SKAP2: variants seen among roughly 807,000 people sequenced by gnomAD.
SKAP2 encodes src kinase-associated phosphoprotein 2.
A neutral mutation model predicts 54.9 loss-of-function variants in SKAP2; 28 were observed. The ratio of observed to expected loss-of-function variants is 0.51; its 90% CI spans 0.38 to 0.70. The LOEUF (loss-of-function observed/expected upper bound fraction) is 0.70. Ranked by LOEUF, SKAP2 falls within the 30% of genes least tolerant of loss-of-function variation. The pLI, the probability that SKAP2 is intolerant of heterozygous loss-of-function variation, is 0.00. For missense variants in SKAP2, 356 were observed against 424.1 expected (o/e 0.84, Z 1.41); for synonymous variants, 137 against 134.3 (o/e 1.02, Z -0.14).
intron 4 of SKAP2, among the ~76,000 whole-genome samples, chr7:26,823,031 G>A (rs1396982565): frequency 6.6e-6 from 1 of 152,178 alleles, no homozygotes; most frequent in African/African-American, 2.4e-5. Context: ...TAGGCCAAAA[G>A]GAAGGCCTCT....
Position 26,738,919 on chromosome 7 carries a change from G to A in SKAP2, c.386-41C>T, listed in dbSNP as rs535879516. 7.7e-6 allele frequency: 9 copies of A among 1,166,874 alleles called. No individual in the cohort carries two copies. The East Asian group carries it at 1.6e-4, about 21-fold the overall frequency. 72.3% of individuals were successfully genotyped at this position (1,166,874 alleles called of 1,614,324 possible). A position where few individuals can be genotyped will look rare whatever the true frequency, so the allele number is the denominator to read the frequency against. ...GAAAATGTAAGGCCATTTCCTTACTGTAAAAGAAAAAGTTAATTAATATGA... is the reference window on the plus strand; with the variant it reads ...GAAAATGTAAGGCCATTTCCTTACTATAAAAGAAAAAGTTAATTAATATGA... On this transcript the variant is annotated intron_variant, in intron 5 of 12. Transcript: ENST00000345317.
intron 1 of SKAP2, among the ~76,000 whole-genome samples, chr7:26,858,492 C>T (rs888378257): frequency 8.5e-5 from 13 of 152,112 alleles, no homozygotes; most frequent in African/African-American, 7.2e-5. Flanking sequence ...TAAAAGTTGA[C>T]GTATACTGGC....
chr7:26,669,709 A>G (rs999739224), intron 12 of SKAP2, 53 bp from the exon 13 acceptor site: 6 of 152,502 alleles, frequency 3.9e-5, no homozygotes, highest in African/African-American at 1.4e-4. Context: ...CTGAAACTTG[A>G]TTTTTCCTGC....
chr7:26,747,091 C>A (rs1401742461), intron 4 of SKAP2, among the ~76,000 whole-genome samples: 1 of 152,040 alleles, frequency 6.6e-6, no homozygotes. Flanking sequence ...TCAACAGGCA[C>A]CTCAAACAAT....
intron 4 of SKAP2, among the ~76,000 whole-genome samples, chr7:26,837,570 T>C (rs12534899): frequency 0.21 from 32,327 of 151,958 alleles, 3,525 homozygotes; most frequent in Non-Finnish European, 0.24. Flanking sequence ...GTCACGAAGA[T>C]AGCACGAGGC....
intron 11 of SKAP2, among the ~76,000 whole-genome samples, chr7:26,682,778 C>T (rs1008133217): frequency 2.0e-5 from 3 of 152,176 alleles, no homozygotes; most frequent in African/African-American, 4.8e-5. Context: ...TCTAATCAGG[C>T]TTCACAAATA....
At chr7:26,859,041 G>A (rs1308960742) in intron 1 of SKAP2, among the ~76,000 whole-genome samples, 1 of 152,080 alleles carries the variant, frequency 6.6e-6, no homozygotes, top group Non-Finnish European at 1.5e-5. Flanking sequence ...TATGGGGGAG[G>A]GGGAGGGCGC....
At chr7:26,714,584 G>T (rs1787391065) in intron 9 of SKAP2, among the ~76,000 whole-genome samples, 1 of 152,142 alleles carries the variant, frequency 6.6e-6, no homozygotes, top group Non-Finnish European at 1.5e-5. Context: ...ATTTATCACT[G>T]ACATTTTGTT....
At chr7:26,746,720 CTCCTAAT>C (rs1220654154) in intron 4 of SKAP2, 3 of 151,442 alleles carry the variant, frequency 2.0e-5, no homozygotes, top group Non-Finnish European at 4.4e-5. Context: ...CTCCAAAGCC[CTCCTAAT>C]TCCAGGACTT....
At chr7:26,839,986 C>T (rs1784787723) in intron 4 of SKAP2, among the ~76,000 whole-genome samples, 1 of 151,498 alleles carries the variant, frequency 6.6e-6, no homozygotes. Flanking sequence ...GAAAAGTATA[C>T]CAAAAAAAAT....
intron 4 of SKAP2, among the ~76,000 whole-genome samples, chr7:26,817,092 G>A (rs939842407): frequency 6.6e-6 from 1 of 152,018 alleles, no homozygotes; most frequent in South Asian, 2.1e-4. Context: ...CATTTTAAAT[G>A]GACATCAGCA....
At chr7:26,783,512 A>G (rs144883743) in intron 4 of SKAP2, among the ~76,000 whole-genome samples, 21 of 152,124 alleles carry the variant, frequency 1.4e-4, no homozygotes, top group African/African-American at 5.1e-4. Flanking sequence ...ACCCTTTCTT[A>G]TTTAACTCAT....
the SKAP2 span, among the ~76,000 whole-genome samples, chr7:26,656,274 C>T: frequency 6.6e-6 from 1 of 152,186 alleles, no homozygotes; most frequent in Non-Finnish European, 1.5e-5. Context: ...CCCACCAGGA[C>T]AAAAACACAA....
intron 4 of SKAP2, among the ~76,000 whole-genome samples, chr7:26,841,708 T>C (rs1424822224): frequency 6.6e-6 from 1 of 151,944 alleles, no homozygotes; most frequent in Non-Finnish European, 1.5e-5. Flanking sequence ...AAGACAGACT[T>C]AGAATGCACA....
At chr7:26,847,907 A>G (rs910180023) in intron 3 of SKAP2, 9 of 152,216 alleles carry the variant, frequency 5.9e-5, no homozygotes, top group Non-Finnish European at 1.5e-5. Flanking sequence ...TTGTTTCCCT[A>G]GAAAAGCATT....
At chr7:26,742,640 T>G (rs951125807) in intron 4 of SKAP2, among the ~76,000 whole-genome samples, 1 of 147,156 alleles carries the variant, frequency 6.8e-6, no homozygotes, top group East Asian at 1.9e-4. Flanking sequence ...GGGGAGTACA[T>G]TTTTTTTAAC....
intron 4 of SKAP2, among the ~76,000 whole-genome samples, chr7:26,825,989 G>A (rs150334054): frequency 1.4e-4 from 21 of 151,962 alleles, no homozygotes; most frequent in African/African-American, 4.8e-4. Context: ...ATTTCTTTAA[G>A]ACTACCTCAG....
intron 1 of SKAP2, among the ~76,000 whole-genome samples, chr7:26,860,634 T>C (rs550672559): frequency 6.6e-6 from 1 of 151,880 alleles, no homozygotes; most frequent in African/African-American, 2.4e-5. Context: ...CCATAAATAA[T>C]TCTCATAGGA....
the SKAP2 span, among the ~76,000 whole-genome samples, chr7:26,654,978 T>C: frequency 3.9e-5 from 6 of 152,316 alleles, no homozygotes; most frequent in South Asian, 1.2e-3. Context: ...CCCAGGTGTA[T>C]CAGATGGCCT....
Sources: gnomAD v4.1 joint callset for allele counts (sites outside exome capture counted in the v4.1 genomes callset) on GRCh38, gnomAD v4.1.1 for gene constraint, MANE v1.5 for transcripts, NCBI Gene and HGNC (gene_info 2026-07-23, HGNC 2026-07-21) for gene names.